LIPI: variants seen among roughly 807,000 people sequenced by gnomAD.
The protein encoded by LIPI is lipase member I.
In LIPI, 59 loss-of-function variants were observed where a neutral mutation model predicts 50.6. The observed-to-expected ratio is 1.16, with a 90% CI of 0.94 to 1.45. The LOEUF (loss-of-function observed/expected upper bound fraction) is 1.45. Ranked by LOEUF, LIPI falls within the 40% of genes most tolerant of loss-of-function variation. The pLI, the probability that LIPI is intolerant of heterozygous loss-of-function variation, is 0.00. For missense variants in LIPI, 586 were observed against 536.3 expected, an observed-to-expected ratio of 1.09 and a Z score of -0.92; for synonymous variants, 203 against 178.2, an observed-to-expected ratio of 1.14 and a Z score of -1.11.
At chr21:14,160,238 GC>G (rs2018414851) in intron 7 of LIPI, among the ~76,000 whole-genome samples, 1 of 151,196 alleles carries the variant, frequency 6.6e-6, no homozygotes, top group African/African-American at 2.4e-5. Flanking sequence ...TTACTATATA[GC>G]TACATTAATT....
At chr21:14,201,385 T>C (rs437808) in intron 1 of LIPI, among the ~76,000 whole-genome samples, 2 of 152,006 alleles carry the variant, frequency 1.3e-5, no homozygotes, top group East Asian at 1.9e-4. Context: ...ATCCAGAATC[T>C]ATAAATCTAT....
chr21:14,164,934 G>C (rs145006147), intron 6 of LIPI, among the ~76,000 whole-genome samples: 1 of 152,118 alleles, frequency 6.6e-6, no homozygotes, highest in East Asian at 1.9e-4. Flanking sequence ...ATGATAGTTA[G>C]ATATTTTTGT....
rs568968751 is a variant in LIPI at position 14,156,679 on chromosome 21, AC to A, written c.1007-3996del. ...AAATAATGTGATATAGCTATAAAAA[AC>A]ATATACAAGTGGAAAAGTGGCTTCT... On this transcript the variant is annotated intron_variant, in intron 7 of 9. Transcript: ENST00000681601. Among the ~76,000 whole-genome samples the A allele has an allele frequency of 9.2e-5, 14 of 152,074 alleles. 1 individual carries two copies. In the South Asian group the frequency reaches 2.9e-3, roughly 32 times the overall value.
Position 14,114,937 on chromosome 21 carries a change from G to T in LIPI, c.1296-5857C>A, listed in dbSNP as rs568429531. 5.9e-5 allele frequency among the ~76,000 whole-genome samples: 9 copies of T among 152,322 alleles called. No homozygotes were observed. In the South Asian group the frequency reaches 1.7e-3, roughly 28 times the overall value. On this transcript the variant is annotated intron_variant, in intron 9 of 9. Transcript: ENST00000681601. ...AGGATAGCAACATATTTCTCTTTAG[G>T]TTCAGTGCATGGTAGAAGATGGCAA...
At chr21:14,171,963 C>T (rs927421970) in intron 4 of LIPI, among the ~76,000 whole-genome samples, 6 of 151,134 alleles carry the variant, frequency 4.0e-5, no homozygotes, top group Non-Finnish European at 7.4e-5. Context: ...TCACAACCTA[C>T]TCATCTGACA....
chr21:14,118,281 T>C (rs1395024429), intron 9 of LIPI, among the ~76,000 whole-genome samples: 1 of 152,068 alleles, frequency 6.6e-6, no homozygotes, highest in Admixed American at 6.6e-5. Flanking sequence ...AGTAGGGCGC[T>C]GAAAAATAGA....
At position 14,144,806 on chromosome 21, in the gene LIPI, A is replaced by T; in HGVS notation, c.1119-7T>A. ...ATAAAATGGTTTGTTCTTTCTAGAGAGAAAATTTGATACACGCAGCATATT... is the reference window on the plus strand; with the variant it reads ...ATAAAATGGTTTGTTCTTTCTAGAGTGAAAATTTGATACACGCAGCATATT... On this transcript the variant is annotated splice_polypyrimidine_tract_variant and splice_region_variant and intron_variant, in intron 8 of 9. Transcript: ENST00000681601. 6.5e-7 allele frequency: 1 copy of T among 1,540,556 alleles called. No individual in the cohort carries two copies. Among genetic ancestry groups the T allele is most frequent in the African/African-American group, 1.4e-5 (1 of 73,362 alleles).
chr21:14,155,102 GTAAA>G (rs985578119), intron 7 of LIPI, among the ~76,000 whole-genome samples: 1 of 151,964 alleles, frequency 6.6e-6, no homozygotes, highest in Non-Finnish European at 1.5e-5. Flanking sequence ...AAAAAAAGTT[GTAAA>G]AGAAAAAATG....
chr21:14,124,016 C>A (rs1031906791), intron 9 of LIPI, among the ~76,000 whole-genome samples: 1 of 152,080 alleles, frequency 6.6e-6, no homozygotes, highest in Non-Finnish European at 1.5e-5. Flanking sequence ...CAGGTGGAGC[C>A]CAAACTCACT....
intron 1 of LIPI, among the ~76,000 whole-genome samples, chr21:14,205,766 A>C (rs1033180761): frequency 5.3e-5 from 8 of 152,222 alleles, no homozygotes; most frequent in African/African-American, 1.9e-4. Context: ...TTAAGAATAA[A>C]AATTGCCAAA....
chr21:14,145,133 T>C (rs201457844), intron 8 of LIPI, among the ~76,000 whole-genome samples: 1 of 18,020 alleles, frequency 5.5e-5, no homozygotes, highest in Non-Finnish European at 9.1e-5. Context: ...TTTTTACAGT[T>C]CCTTAAATAG....
At chr21:14,182,512 A>C (rs1388718324) in intron 3 of LIPI, among the ~76,000 whole-genome samples, 1 of 152,192 alleles carries the variant, frequency 6.6e-6, no homozygotes. Context: ...GAACATCTAT[A>C]CAATGAAGAA....
At position 14,158,582 on chromosome 21, in the gene LIPI, A is replaced by T. The variant is rs150441908; in HGVS notation, c.1006+4837T>A. 4.0e-3 allele frequency among the ~76,000 whole-genome samples: 592 copies of T among 148,952 alleles called. 12 individuals carry two copies. The highest frequency in any genetic ancestry group is 0.034 in the Admixed American group (502 of 14,840). ...TAGAAGAAAAGATGTGTGTGTAGAA[A>T]TATATATTTTATATATATATTAAAA... On this transcript the variant is annotated intron_variant, in intron 7 of 9. Coordinates refer to ENST00000681601, the MANE Select transcript of LIPI (RefSeq NM_001302998.2).
chr21:14,161,820 A>ATTATTATATATTAATGTAT (rs200503057), intron 7 of LIPI, among the ~76,000 whole-genome samples: 1 of 13,172 alleles, frequency 7.6e-5, no homozygotes, highest in African/African-American at 3.9e-4. Context: ...TAATATATAC[A>ATTATTATATATTAATGTAT]AATATATATT....
chr21:14,174,955 T>C (rs1405789810), intron 4 of LIPI, among the ~76,000 whole-genome samples: 1 of 152,232 alleles, frequency 6.6e-6, no homozygotes, highest in Non-Finnish European at 1.5e-5. Flanking sequence ...ATGTAGGCTT[T>C]TGTTTCTGGC....
intron 7 of LIPI, among the ~76,000 whole-genome samples, chr21:14,155,262 G>A (rs2018233891): frequency 6.6e-6 from 1 of 151,848 alleles, no homozygotes; most frequent in Admixed American, 6.6e-5. Context: ...AGAAATCAGT[G>A]AACTTGAGGG....
At chr21:14,139,146 TTAGAG>T (rs977998340) in intron 9 of LIPI, among the ~76,000 whole-genome samples, 2 of 152,086 alleles carry the variant, frequency 1.3e-5, no homozygotes, top group African/African-American at 4.8e-5. Context: ...TTGGGGATTA[TTAGAG>T]TATTTTATTC....
At chr21:14,114,218 A>G (rs1359240213) in intron 9 of LIPI, among the ~76,000 whole-genome samples, 2 of 151,830 alleles carry the variant, frequency 1.3e-5, no homozygotes, top group African/African-American at 2.4e-5. Flanking sequence ...GGAACTAACT[A>G]TCACAGGAAC....
chr21:14,164,674 G>T lies in LIPI; in HGVS notation c.901+549C>A, dbSNP rs73346037. Among the ~76,000 whole-genome samples the T allele has an allele frequency of 7.7e-3, 1,177 of 152,222 alleles. 18 individuals carry two copies. The highest frequency in any genetic ancestry group is 0.026 in the African/African-American group (1,074 of 41,542). Reference sequence around the variant, plus strand: ...TCCAGTTCCAATATTATATTTTTATGTGGATTTTTTTCTCTATAATTCCCT... The same window carrying T: ...TCCAGTTCCAATATTATATTTTTATTTGGATTTTTTTCTCTATAATTCCCT... On this transcript the variant is annotated intron_variant, in intron 6 of 9. Transcript: ENST00000681601.
Sources: gnomAD v4.1 joint callset for allele counts (sites outside exome capture counted in the v4.1 genomes callset) on GRCh38, gnomAD v4.1.1 for gene constraint, MANE v1.5 for transcripts, NCBI Gene and HGNC (gene_info 2026-07-23, HGNC 2026-07-21) for gene names.